The following PGAP1 variants were observed in gnomAD, a reference collection of about 807,000 sequenced individuals.
PGAP1 encodes the protein post-GPI attachment to proteins inositol deacylase 1, also known as GPI inositol-deacylase.
PGAP1 carries 76 observed loss-of-function variants against 127.0 expected under a neutral mutation model. The observed-to-expected ratio is 0.60, with a 90% CI of 0.50 to 0.72. PGAP1 has a LOEUF of 0.72. Among genes scored for constraint, PGAP1 ranks in the 30% least tolerant of loss-of-function variants. The pLI, the probability that PGAP1 is intolerant of heterozygous loss-of-function variation, is 0.00. For synonymous variants in PGAP1, 362 were observed against 366.5 expected, an observed-to-expected ratio of 0.99 and a Z score of 0.14; for missense variants, 982 against 1,071.3, an observed-to-expected ratio of 0.92 and a Z score of 1.16.
Position 196,872,436 on chromosome 2 carries a change from C to T in PGAP1, c.1728+5G>A, listed in dbSNP as rs746564030. On this transcript the variant is annotated splice_donor_5th_base_variant and intron_variant, in intron 18 of 26. Transcript: ENST00000354764. ...TCTTAAAAATTAATCAAACATACAA[C>T]TTACCTCGTACCGACAGTCTGATGA... 18 of 1,576,258 alleles carry T rather than the reference C, an allele frequency of 1.1e-5. No individual in the cohort carries two copies. The highest frequency in any genetic ancestry group is 1.6e-5 in the Non-Finnish European group (18 of 1,146,576).
chr2:196,837,348 A>G lies in PGAP1; in HGVS notation c.*3886T>C, dbSNP rs1285295854. 1.3e-5 allele frequency: 2 copies of G among 152,196 alleles called. No individual in the cohort carries two copies. Among genetic ancestry groups the G allele is most frequent in the Admixed American group, 1.3e-4 (2 of 15,276 alleles). 9.4% of individuals were successfully genotyped at this position (152,196 alleles called of 1,614,324 possible). A position where few individuals can be genotyped will look rare whatever the true frequency, so the allele number is the denominator to read the frequency against. On this transcript the variant is annotated 3_prime_UTR_variant, in exon 27 of 27. Transcript: ENST00000354764. ...CTGAAGAATTAAGAAAAGTATAGGA[A>G]CTAGGCCAGGTGGTCATGCCTGAAA...
intron 20 of PGAP1, among the ~76,000 whole-genome samples, chr2:196,859,543 C>T (rs1443536329): frequency 2.6e-5 from 4 of 151,750 alleles, no homozygotes; most frequent in Admixed American, 2.6e-4. Context: ...GACACCAAAA[C>T]CATAAAATAA....
rs1171356120 is a variant in PGAP1, at chr2:196,833,487, A to G, written c.*7747T>C. ...AACAAATGATTACTGAGTCTATCTCAGCATAACACATAGGTTGTCCTCTAT... is the reference window on the plus strand; with the variant it reads ...AACAAATGATTACTGAGTCTATCTCGGCATAACACATAGGTTGTCCTCTAT... On this transcript the variant is annotated 3_prime_UTR_variant, in exon 27 of 27. Transcript: ENST00000354764. 6.6e-6 allele frequency: 1 copy of G among 152,206 alleles called. No homozygotes were observed. Among genetic ancestry groups the G allele is most frequent in the Non-Finnish European group, 1.5e-5 (1 of 68,012 alleles). 9.4% of individuals were successfully genotyped at this position (152,206 alleles called of 1,614,324 possible).
chr2:196,866,965 C>A (rs1205655983), intron 19 of PGAP1, among the ~76,000 whole-genome samples: 1 of 151,916 alleles, frequency 6.6e-6, no homozygotes, highest in African/African-American at 2.4e-5. Context: ...GAATGGCGAT[C>A]ATTAAAAAGT....
chr2:196,905,196 T>G (rs1317457628), intron 4 of PGAP1, among the ~76,000 whole-genome samples: 1 of 152,044 alleles, frequency 6.6e-6, no homozygotes, highest in Non-Finnish European at 1.5e-5. Context: ...TATCTTTGAG[T>G]CATTCTAATT....
Position 196,839,170 on chromosome 2 carries a change from G to C in PGAP1, c.*2064C>G, listed in dbSNP as rs1700331728. Reference sequence around the variant, plus strand: ...TAGAATACATAAACATAATATTTATGGCTATCAATAGAAGATCCAAATTAA... The same window carrying C: ...TAGAATACATAAACATAATATTTATCGCTATCAATAGAAGATCCAAATTAA... On this transcript the variant is annotated 3_prime_UTR_variant, in exon 27 of 27. Transcript: ENST00000354764. 1 of 152,580 alleles carries C rather than the reference G, an allele frequency of 6.6e-6. No homozygotes were observed. Among genetic ancestry groups the C allele is most frequent in the African/African-American group, 2.4e-5 (1 of 41,436 alleles). 9.5% of individuals were successfully genotyped at this position (152,580 alleles called of 1,614,324 possible).
chr2:196,850,605 T>C (rs1232654404), intron 20 of PGAP1, among the ~76,000 whole-genome samples: 3 of 151,212 alleles, frequency 2.0e-5, no homozygotes, highest in African/African-American at 2.4e-5. Flanking sequence ...TAGCCACATG[T>C]AGGATGACAA....
At chr2:196,922,296 A>G (rs115503637) in intron 1 of PGAP1, 12,349 of 1,164,912 alleles carry the variant, frequency 0.011, 73 homozygotes, top group Non-Finnish European at 0.013. Context: ...TGTAAACTTA[A>G]ACTGAAAAAT....
Position 196,920,084 on chromosome 2 carries a change from C to T in PGAP1, c.214G>A (p.Gly72Arg). 2 of 1,613,246 alleles carry T rather than the reference C, an allele frequency of 1.2e-6. No individual in the cohort carries two copies. The highest frequency in any genetic ancestry group is 1.7e-6 in the Non-Finnish European group (2 of 1,179,496). Residue 72 changes from glycine (G) to arginine (R), a missense_variant, in exon 2 of 27, where the codon GGA becomes AGA. Physicochemically the swap from Gly to Arg is moderately radical, Grantham distance 125. Transcript: ENST00000354764. Reference protein sequence around the residue: ...PAYELYLYGEGSYAEEHKILP... With the variant: ...PAYELYLYGERSYAEEHKILP... Reference sequence around the variant, plus strand: ...ATTTTGTGTTCTTCAGCATAGGATCCCTCTCCATAAAGATACAACTCATAT... The same window carrying T: ...ATTTTGTGTTCTTCAGCATAGGATCTCTCTCCATAAAGATACAACTCATAT...
rs765668457 is a variant in PGAP1, at chr2:196,844,548, T to C, written c.2313A>G (p.Thr771=). The C allele has an allele frequency of 1.3e-5, 21 of 1,598,446 alleles. No homozygotes were observed. The Admixed American group carries it at 3.7e-4, about 28-fold the overall frequency. ...FKVVHLQASL[T]TFKNSQPVNP... Reference sequence around the variant, plus strand: ...CCACAGGCTGGCTATTCTTAAAAGTTGTTAAGCTGGCTTGCAGATGAACAA... The same window carrying C: ...CCACAGGCTGGCTATTCTTAAAAGTCGTTAAGCTGGCTTGCAGATGAACAA... The change falls in exon 24 of 27, where the codon ACA becomes ACG. Residue 771 remains threonine (T), a synonymous_variant. Transcript: ENST00000354764.
rs889310647 is a variant in PGAP1 at position 196,840,699 on chromosome 2, T to C, written c.*535A>G. On this transcript the variant is annotated 3_prime_UTR_variant, in exon 27 of 27. Coordinates refer to ENST00000354764, the MANE Select transcript of PGAP1 (RefSeq NM_024989.4). ...AGATGTAAGAAGACAAGATCCACTT[T>C]GTTCATGGTGGCTGCCAAAAACTAA... 1.3e-5 allele frequency: 2 copies of C among 152,262 alleles called. No homozygotes were observed. The highest frequency in any genetic ancestry group is 2.9e-5 in the Non-Finnish European group (2 of 68,076). 9.4% of individuals were successfully genotyped at this position (152,262 alleles called of 1,614,324 possible). A position where few individuals can be genotyped will look rare whatever the true frequency, so the allele number is the denominator to read the frequency against.
At chr2:196,886,707 C>CT (rs913221254) in intron 10 of PGAP1, among the ~76,000 whole-genome samples, 6 of 150,254 alleles carry the variant, frequency 4.0e-5, no homozygotes, top group Admixed American at 6.6e-5. Context: ...AAATAAGTCC[C>CT]TTTTTTTTTG....
Position 196,912,954 on chromosome 2 carries a change from G to T in PGAP1, c.577C>A (p.Leu193Met). ...LLTLKNFKHD[L>M]INLLITQATP... ...GCTTGTGTAATAAGAAGATTTATCA[G>T]ATCATGCTTAAAATTTTTCAGTGTA... Residue 193 changes from leucine to methionine, a missense_variant, in exon 4 of 27, where the codon CTG (leucine) becomes ATG (methionine). Leu to Met is a conservative substitution (Grantham distance 15). Coordinates refer to ENST00000354764, the MANE Select transcript of PGAP1 (RefSeq NM_024989.4). The T allele has an allele frequency of 6.2e-7, 1 of 1,613,874 alleles. No individual in the cohort carries two copies. Among genetic ancestry groups the T allele is most frequent in the African/African-American group, 1.3e-5 (1 of 75,022 alleles).
intron 4 of PGAP1, among the ~76,000 whole-genome samples, chr2:196,903,301 A>G (rs1178640874): frequency 6.6e-6 from 1 of 151,946 alleles, no homozygotes; most frequent in Non-Finnish European, 1.5e-5. Context: ...GCAGTATCCC[A>G]GCTTAAAAAG....
In PGAP1 at chr2:196,833,654, C is replaced by G. The variant is rs981736555; in HGVS notation, c.*7580G>C. On this transcript the variant is annotated 3_prime_UTR_variant, in exon 27 of 27. Transcript: ENST00000354764. The stretch of plus-strand genomic sequence containing the variant: ...TCTTTGTATGTGTTTTTAGAGAAAT[C>G]TATATTTTTGTCTGGCGAGTAGGTA... 2 of 152,004 alleles carry G rather than the reference C, an allele frequency of 1.3e-5. No homozygotes were observed. The highest frequency in any genetic ancestry group is 4.8e-5 in the African/African-American group (2 of 41,406). The allele number at this position is 152,004 out of a possible 1,614,324, so 9.4% of individuals were successfully genotyped here.
At position 196,844,028 on chromosome 2, in the gene PGAP1, T is replaced by C. The variant is rs774403384; in HGVS notation, c.2385A>G (p.Lys795=). Reference sequence around the variant, plus strand: ...AACGAAGATGGTGTATTGAGGAGTCTTTATGATGATTGGATTTCTTTTCAC... The same window carrying C: ...AACGAAGATGGTGTATTGAGGAGTCCTTATGATGATTGGATTTCTTTTCAC... The part of the protein sequence containing the change: ...RRSEKKSNHH[K]DSSIHHLRLS... Residue 795 remains lysine, a synonymous_variant, in exon 25 of 27, where the codon AAA becomes AAG. Transcript: ENST00000354764. The C allele has an allele frequency of 1.3e-6, 2 of 1,599,616 alleles. No homozygotes were observed. The highest frequency in any genetic ancestry group is 1.7e-6 in the Non-Finnish European group (2 of 1,171,138).
chr2:196,873,882 G>A, intron 14 of PGAP1, 124 bp from the exon 15 acceptor site: 3 of 642,252 alleles, frequency 4.7e-6, no homozygotes, highest in South Asian at 2.3e-5. Context: ...TTTCACTTCT[G>A]TATGGAGTTA....
intron 20 of PGAP1, among the ~76,000 whole-genome samples, chr2:196,859,104 A>G (rs1320348547): frequency 6.6e-6 from 1 of 152,180 alleles, no homozygotes; most frequent in African/African-American, 2.4e-5. Flanking sequence ...AGGCAGGCAG[A>G]TCACCTGAGG....
At position 196,885,422 on chromosome 2, in the gene PGAP1, A is replaced by G; in HGVS notation, c.1272+2T>C. The G allele has an allele frequency of 6.3e-7, 1 of 1,591,664 alleles. No homozygotes were observed. The highest frequency in any genetic ancestry group is 8.6e-7 in the Non-Finnish European group (1 of 1,166,238). The stretch of plus-strand genomic sequence containing the variant: ...TATTAAAATTCTGAAGCCATAATTT[A>G]CCTTAATTGTTGGCAGCAGTTCAGC... On this transcript the variant is annotated splice_donor_variant, in intron 12 of 26. Coordinates refer to ENST00000354764, the MANE Select transcript of PGAP1 (RefSeq NM_024989.4). LOFTEE classifies it high-confidence loss of function.
Sources: allele counts gnomAD v4.1 joint callset (sites outside exome capture counted in the v4.1 genomes callset), GRCh38; gene constraint gnomAD v4.1.1; transcripts MANE v1.5; gene names NCBI Gene and HGNC (gene_info 2026-07-23, HGNC 2026-07-21).